The following CDH3 variants were observed in gnomAD, a reference collection of about 807,000 sequenced individuals.
The protein encoded by CDH3 is cadherin-3.
A neutral mutation model predicts 82.0 loss-of-function variants in CDH3; 54 were observed. The observed-to-expected ratio is 0.66, with a 90% CI of 0.53 to 0.83. CDH3 has a LOEUF of 0.83. CDH3 is among the 40% of genes least tolerant of loss of function. The pLI is 0.00. For synonymous variants in CDH3, 446 were observed against 437.9 expected (o/e 1.02, Z -0.23); for missense variants, 1,054 against 1,084.6 (o/e 0.97, Z 0.40).
downstream of CDH3, among the ~76,000 whole-genome samples, chr16:68,728,150 C>T (rs1962238439): frequency 1.7e-5 from 2 of 115,858 alleles, no homozygotes; most frequent in African/African-American, 6.0e-5. Flanking sequence ...CCCACAGTAC[C>T]TTATGAGGTT....
chr16:68,670,122 G>C (rs1356148789), intron 2 of CDH3, among the ~76,000 whole-genome samples: 1 of 151,338 alleles, frequency 6.6e-6, no homozygotes, highest in Non-Finnish European at 1.5e-5. Flanking sequence ...TACTCGGGAG[G>C]CTGAGGCAGG....
rs1217785180 is a variant in CDH3 at position 68,685,339 on chromosome 16, C to T, written c.1559C>T (p.Ala520Val). 6.2e-7 allele frequency: 1 copy of T among 1,613,998 alleles called. No homozygotes were observed. The highest frequency in any genetic ancestry group is 1.7e-5 in the Admixed American group (1 of 60,004). The part of the protein sequence containing the change: ...RNNIYEVMVL[A>V]MDNGSPPTTG... ...AACATCTATGAAGTCATGGTCTTGG[C>T]CATGGACAATGGTGAGAGCATCCTC... Residue 520 changes from alanine to valine, a missense_variant, in exon 11 of 16, where the codon GCC becomes GTC. By Grantham distance (64) the Ala-to-Val change is moderately conservative. Coordinates refer to ENST00000264012, the MANE Select transcript of CDH3 (RefSeq NM_001793.6).
intron 2 of CDH3, among the ~76,000 whole-genome samples, chr16:68,664,909 C>T (rs1300877969): frequency 1.3e-5 from 2 of 152,062 alleles, no homozygotes; most frequent in African/African-American, 4.8e-5. Context: ...CTTGGCCTCC[C>T]AAAGTGCTAG....
At chr16:68,710,039 A>G (rs1962007779) in intron 1 of CDH3, among the ~76,000 whole-genome samples, 1 of 152,200 alleles carries the variant, frequency 6.6e-6, no homozygotes, top group Non-Finnish European at 1.5e-5. Context: ...CTCTGCAACC[A>G]GGAGGCAGCC....
At chr16:68,660,926 C>T (rs954150449) in intron 2 of CDH3, among the ~76,000 whole-genome samples, 17 of 151,376 alleles carry the variant, frequency 1.1e-4, no homozygotes, top group African/African-American at 2.9e-4. Context: ...GCCACTGCAC[C>T]CCAGCACTCC....
intron 2 of CDH3, among the ~76,000 whole-genome samples, chr16:68,656,246 A>G (rs778056511): frequency 8.5e-5 from 13 of 152,264 alleles, no homozygotes; most frequent in Non-Finnish European, 1.9e-4. Flanking sequence ...TTGTACCAGT[A>G]TGGAGGCCAG....
At chr16:68,651,602 C>T in intron 2 of CDH3, 1 of 505,414 alleles carries the variant, frequency 2.0e-6, no homozygotes, top group South Asian at 1.6e-5. Context: ...CCTGCACCTG[C>T]ATCATGTTCC....
chr16:68,668,452 G>GA (rs1960798137), intron 2 of CDH3, among the ~76,000 whole-genome samples: 1 of 152,192 alleles, frequency 6.6e-6, no homozygotes, highest in African/African-American at 2.4e-5. Flanking sequence ...GTGGTGCCAG[G>GA]AAGCATCTGG....
intron 1 of CDH3, among the ~76,000 whole-genome samples, chr16:68,705,755 A>G (rs1031836131): frequency 4.0e-5 from 6 of 150,978 alleles, no homozygotes; most frequent in Non-Finnish European, 7.4e-5. Flanking sequence ...GGGTTATAGC[A>G]ATGCAGAAAA....
At position 68,682,304 on chromosome 16, in the gene CDH3, C is replaced by T. The variant is rs757194591; in HGVS notation, c.999C>T (p.Tyr333=). 16 of 1,613,352 alleles carry T rather than the reference C, an allele frequency of 9.9e-6. No individual in the cohort carries two copies. The highest frequency in any genetic ancestry group is 6.7e-5 in the East Asian group (3 of 44,890). Residue 333 remains tyrosine, a splice_region_variant and synonymous_variant, in exon 9 of 16, where the codon TAC becomes TAT. Coordinates refer to ENST00000264012, the MANE Select transcript of CDH3 (RefSeq NM_001793.6). ...TGCTGTGCTTCTCACACTGACAGTA[C>T]GAGGCCCATGTGCCTGAGAATGCAG... ...DNAPMFDPQK[Y]EAHVPENAVG... is the part of the protein sequence containing the mutation.
intron 9 of CDH3, 28 bp downstream of exon 9, chr16:68,682,515 G>C: frequency 1.2e-6 from 2 of 1,608,582 alleles, no homozygotes; most frequent in Non-Finnish European, 1.7e-6. Flanking sequence ...TCAGACAATG[G>C]CTATACCTGG....
intron 2 of CDH3, among the ~76,000 whole-genome samples, chr16:68,669,286 C>T (rs894498674): frequency 2.0e-5 from 3 of 152,182 alleles, no homozygotes; most frequent in African/African-American, 7.2e-5. Context: ...TTATTCCTAT[C>T]AGTCTGGACC....
At chr16:68,689,846 G>T (rs559741188) in intron 12 of CDH3, among the ~76,000 whole-genome samples, 18 of 151,966 alleles carry the variant, frequency 1.2e-4, no homozygotes, top group Non-Finnish European at 1.5e-4. Flanking sequence ...GGAGGGGGTG[G>T]GGGTAGAAAC....
At chr16:68,651,968 C>T (rs575290615) in intron 2 of CDH3, 24 of 316,788 alleles carry the variant, frequency 7.6e-5, no homozygotes, top group Non-Finnish European at 1.4e-4. Context: ...CTGGCAGGTG[C>T]GGTGGCAGGA....
chr16:68,723,820 A>T (rs1158228828), intron 2 of CDH3, among the ~76,000 whole-genome samples: 2 of 152,278 alleles, frequency 1.3e-5, no homozygotes, highest in East Asian at 1.9e-4. Context: ...CTGTAATCCC[A>T]GCACTTTGGG....
chr16:68,688,017 C>G (rs1381987547), intron 12 of CDH3, among the ~76,000 whole-genome samples: 1 of 151,212 alleles, frequency 6.6e-6, no homozygotes, highest in Non-Finnish European at 1.5e-5. Context: ...TGAAGTGGAC[C>G]TGGCACAGAG....
chr16:68,669,160 C>G (rs1247116851), intron 2 of CDH3, among the ~76,000 whole-genome samples: 3 of 152,178 alleles, frequency 2.0e-5, no homozygotes, highest in Non-Finnish European at 4.4e-5. Context: ...CTGGCAGCCT[C>G]TTGTTTCCTG....
chr16:68,663,481 G>A (rs1290626673), intron 2 of CDH3, among the ~76,000 whole-genome samples: 7 of 151,842 alleles, frequency 4.6e-5, no homozygotes, highest in Admixed American at 2.0e-4. Context: ...AGATCCACCC[G>A]CCTCGGCCTC....
intron 12 of CDH3, 104 bp from the exon 13 acceptor site, chr16:68,691,616 G>T (rs1471041704): frequency 4.6e-6 from 4 of 872,000 alleles, no homozygotes; most frequent in Non-Finnish European, 7.8e-6. Flanking sequence ...GTATTTCTCT[G>T]CATTGCCCAC....
Sources: allele counts gnomAD v4.1 joint callset (sites outside exome capture counted in the v4.1 genomes callset), GRCh38; gene constraint gnomAD v4.1.1; transcripts MANE v1.5; gene names NCBI Gene and HGNC (gene_info 2026-07-23, HGNC 2026-07-21).